The following ATXN10 variants were observed in gnomAD, a reference collection of about 807,000 sequenced individuals.
ATXN10 encodes the protein ataxin-10.
A neutral mutation model predicts 52.9 loss-of-function variants in ATXN10; 28 were observed. That is an observed-to-expected ratio of 0.53 (90% confidence interval 0.39 to 0.73). ATXN10 has a LOEUF of 0.73. Ranked by LOEUF, ATXN10 falls within the 30% of genes least tolerant of loss-of-function variation. The pLI, the probability that ATXN10 is intolerant of heterozygous loss-of-function variation, is 0.00. For synonymous variants in ATXN10, 226 were observed against 221.5 expected (o/e 1.02, Z -0.18); for missense variants, 565 against 577.0 (o/e 0.98, Z 0.21).
rs368664480 is a variant in ATXN10, at chr22:45,699,711, C to T, written c.392-571C>T. On this transcript the variant is annotated intron_variant, in intron 3 of 11. Coordinates refer to ENST00000252934, the MANE Select transcript of ATXN10 (RefSeq NM_013236.4). ...TTCATCACGTTGGCCAGGCTGGTCT[C>T]GAACTCCTGACCTCAGGTGATCCGC... Among the ~76,000 whole-genome samples, 15 of 151,074 alleles carry T rather than the reference C, an allele frequency of 9.9e-5. No homozygotes were observed. In the East Asian group the frequency reaches 1.2e-3, roughly 12 times the overall value.
intron 9 of ATXN10, chr22:45,793,492 C>A: frequency 9.5e-7 from 1 of 1,047,134 alleles, no homozygotes; most frequent in African/African-American, 1.6e-5. Context: ...TCTCTCACTG[C>A]TCCTTCTGCT....
chr22:45,714,531 C>G (rs1197392377), intron 5 of ATXN10, among the ~76,000 whole-genome samples: 1 of 151,896 alleles, frequency 6.6e-6, no homozygotes, highest in Non-Finnish European at 1.5e-5. Context: ...CAGGTGCATA[C>G]CACCGCACCT....
chr22:45,717,622 G>A (rs1266447583), intron 5 of ATXN10, among the ~76,000 whole-genome samples: 1 of 152,146 alleles, frequency 6.6e-6, no homozygotes, highest in Non-Finnish European at 1.5e-5. Flanking sequence ...GTGTATTGTA[G>A]TAGTTAATAT....
chr22:45,800,435 C>G (rs908056459), intron 9 of ATXN10, among the ~76,000 whole-genome samples: 4 of 152,190 alleles, frequency 2.6e-5, no homozygotes, highest in Non-Finnish European at 5.9e-5. Flanking sequence ...CTGCCTAAAA[C>G]GGCTGACAAC....
At chr22:45,742,531 AAAAAAAAAAAAATACCG>A (rs1310445570) in intron 9 of ATXN10, among the ~76,000 whole-genome samples, 2 of 53,150 alleles carry the variant, frequency 3.8e-5, no homozygotes, top group Non-Finnish European at 6.9e-5. Context: ...TATCTAAAAT[AAAAAAAAAAAAATACCG>A]AATGTGCTTA....
intron 9 of ATXN10, among the ~76,000 whole-genome samples, chr22:45,802,719 AG>A (rs2146880189): frequency 6.6e-6 from 1 of 152,336 alleles, no homozygotes; most frequent in South Asian, 2.1e-4. Context: ...AGAACTCTTT[AG>A]TTCACCTTTA....
chr22:45,797,116 G>C (rs1205538109), intron 9 of ATXN10, among the ~76,000 whole-genome samples: 1 of 152,174 alleles, frequency 6.6e-6, no homozygotes, highest in East Asian at 1.9e-4. Context: ...AAATCGATCT[G>C]CAGTCATAAT....
chr22:45,743,699 G>GA (rs1392057302), intron 9 of ATXN10, among the ~76,000 whole-genome samples: 1 of 152,200 alleles, frequency 6.6e-6, no homozygotes, highest in African/African-American at 2.4e-5. Context: ...AGACAAAAGG[G>GA]ACTGATGATT....
intron 5 of ATXN10, among the ~76,000 whole-genome samples, chr22:45,716,176 A>T (rs781733780): frequency 6.6e-6 from 1 of 152,130 alleles, no homozygotes; most frequent in Admixed American, 6.5e-5. Context: ...GAGGTGGGAA[A>T]ATTATTCGAA....
intron 9 of ATXN10, among the ~76,000 whole-genome samples, chr22:45,745,408 A>G (rs1024689764): frequency 6.6e-6 from 1 of 152,180 alleles, no homozygotes; most frequent in Admixed American, 6.5e-5. Flanking sequence ...GCTAAAGGTT[A>G]TGGAACTGCT....
chr22:45,729,113 C>T (rs1057229686), intron 6 of ATXN10, among the ~76,000 whole-genome samples: 3 of 152,130 alleles, frequency 2.0e-5, no homozygotes, highest in Admixed American at 6.5e-5. Flanking sequence ...TTGCTAGTGT[C>T]GTCGATGTGT....
At chr22:45,788,459 C>T (rs1927394366) in intron 9 of ATXN10, among the ~76,000 whole-genome samples, 1 of 151,152 alleles carries the variant, frequency 6.6e-6, no homozygotes, top group Non-Finnish European at 1.5e-5. Context: ...TATCTCGTAT[C>T]CACCTGCATC....
At chr22:45,704,662 A>G (rs1174811463) in intron 5 of ATXN10, among the ~76,000 whole-genome samples, 1 of 152,142 alleles carries the variant, frequency 6.6e-6, no homozygotes, top group Admixed American at 6.5e-5. Flanking sequence ...TTATAGTTTT[A>G]GTAGATTTTT....
chr22:45,799,749 C>G (rs1355445491), intron 9 of ATXN10, among the ~76,000 whole-genome samples: 1 of 152,162 alleles, frequency 6.6e-6, no homozygotes, highest in African/African-American at 2.4e-5. Context: ...CCCTACCAAA[C>G]TAATACAATT....
chr22:45,752,649 G>C (rs1261558418), intron 9 of ATXN10, among the ~76,000 whole-genome samples: 2 of 152,064 alleles, frequency 1.3e-5, no homozygotes, highest in Non-Finnish European at 2.9e-5. Flanking sequence ...CTCACTGTGG[G>C]AACTAAGGGT....
At chr22:45,812,063 C>T (rs986912138) in intron 10 of ATXN10, among the ~76,000 whole-genome samples, 3 of 152,128 alleles carry the variant, frequency 2.0e-5, no homozygotes, top group African/African-American at 7.2e-5. Context: ...TCAGTTCCTG[C>T]GTGAAGGCAG....
At chr22:45,810,057 TTA>T (rs1474678821) in intron 10 of ATXN10, among the ~76,000 whole-genome samples, 1 of 152,124 alleles carries the variant, frequency 6.6e-6, no homozygotes, top group African/African-American at 2.4e-5. Flanking sequence ...GTTTTACCTT[TTA>T]TATATATATG....
In ATXN10 at chr22:45,718,417, T is replaced by G. The variant is rs770644931; in HGVS notation, c.652T>G (p.Leu218Val). 3.1e-6 allele frequency: 5 copies of G among 1,613,068 alleles called. No homozygotes were observed. Among genetic ancestry groups the G allele is most frequent in the Non-Finnish European group, 4.2e-6 (5 of 1,179,082 alleles). ...QKHPESEWPFLIITDLFLKSP... is the reference protein window; with the variant it reads ...QKHPESEWPFVIITDLFLKSP... ...TTCCTCCTCTTTTTTCCCTAGGTTC[T>G]TGATTATTACAGACCTCTTTCTGAA... is the stretch of plus-strand genomic sequence containing the variant. The change falls in exon 6 of 12, where the codon TTG becomes GTG. Residue 218 changes from leucine to valine, a missense_variant. By Grantham distance (32) the Leu-to-Val change is conservative (BLOSUM62 1). Coordinates refer to ENST00000252934, the MANE Select transcript of ATXN10 (RefSeq NM_013236.4). This position sits in a 1 kb window ranked among gnomAD's most constrained non-coding sequence, Gnocchi z 4.4.
intron 5 of ATXN10, among the ~76,000 whole-genome samples, chr22:45,710,794 C>A (rs138152): frequency 0.17 from 25,798 of 152,130 alleles, 2,342 homozygotes; most frequent in African/African-American, 0.22. Flanking sequence ...TAAAGTATTT[C>A]CTGTCTGGCC....
Sources: allele counts gnomAD v4.1 joint callset (sites outside exome capture counted in the v4.1 genomes callset), GRCh38; gene constraint gnomAD v4.1.1; non-coding constraint Gnocchi (gnomAD v3.1); transcripts MANE v1.5; gene names NCBI Gene and HGNC (gene_info 2026-07-23, HGNC 2026-07-21).